The following MAP3K20 variants were observed in gnomAD, a reference collection of about 807,000 sequenced individuals.
MAP3K20 encodes mitogen-activated protein kinase kinase kinase 20.
In MAP3K20, 40 loss-of-function variants were observed where a neutral mutation model predicts 85.7. That is an observed-to-expected ratio of 0.47 (90% CI 0.36 to 0.61). The LOEUF is 0.61. MAP3K20 is among the 20% of genes least tolerant of loss of function. MAP3K20 has a pLI of 0.00. For missense variants in MAP3K20, 817 were observed against 961.7 expected, an observed-to-expected ratio of 0.85 and a Z score of 1.99; for synonymous variants, 325 against 327.7, an observed-to-expected ratio of 0.99 and a Z score of 0.09.
At chr2:173,264,043 T>C in intron 19 of MAP3K20, 148 bp downstream of exon 19, 1 of 924,798 alleles carries the variant, frequency 1.1e-6, no homozygotes, top group Non-Finnish European at 1.5e-6. Context: ...CAGTTGCAAC[T>C]GGCTTACTCC....
At chr2:173,180,038 C>T (rs529958814) in intron 3 of MAP3K20, among the ~76,000 whole-genome samples, 1 of 152,224 alleles carries the variant, frequency 6.6e-6, no homozygotes, top group South Asian at 2.1e-4. Context: ...GGGCAGTTCT[C>T]CCCAAAATGA....
rs954263978 is a variant in MAP3K20, at chr2:173,224,480, C to T, written c.988-5209C>T. 8.1e-6 allele frequency: 8 copies of T among 985,110 alleles called. No individual in the cohort carries two copies. In the African/African-American group the frequency reaches 1.4e-4, roughly 17 times the overall value. 61.0% of individuals were successfully genotyped at this position (985,110 alleles called of 1,614,324 possible). A position where few individuals can be genotyped will look rare whatever the true frequency, so the allele number is the denominator to read the frequency against. On this transcript the variant is annotated intron_variant, in intron 11 of 19. Transcript: ENST00000375213. ...AAAATAACAGGACTCTGTACTGGAC[C>T]TAACTTTATCATTAATTAGGTAATA...
chr2:173,206,578 A>C (rs1414106990), intron 9 of MAP3K20, among the ~76,000 whole-genome samples: 2 of 152,050 alleles, frequency 1.3e-5, no homozygotes, highest in African/African-American at 4.8e-5. Flanking sequence ...TCTCCTCTGA[A>C]TACTTCATCA....
At chr2:173,147,797 G>C (rs1178421419) in intron 2 of MAP3K20, among the ~76,000 whole-genome samples, 1 of 152,110 alleles carries the variant, frequency 6.6e-6, no homozygotes, top group Non-Finnish European at 1.5e-5. Context: ...ATGTTGGCCA[G>C]GATGGTCTTG....
chr2:173,126,863 G>T (rs544815839), intron 2 of MAP3K20, among the ~76,000 whole-genome samples: 1 of 152,314 alleles, frequency 6.6e-6, no homozygotes, highest in South Asian at 2.1e-4. Context: ...CTCTGACATT[G>T]ATTTCTGCAA....
At chr2:173,254,155 C>G (rs1685104853) in intron 16 of MAP3K20, among the ~76,000 whole-genome samples, 1 of 151,826 alleles carries the variant, frequency 6.6e-6, no homozygotes. Flanking sequence ...GTGGCTCACG[C>G]CTGTAATCCC....
At chr2:173,137,522 T>G (rs2106209109) in intron 2 of MAP3K20, among the ~76,000 whole-genome samples, 1 of 152,278 alleles carries the variant, frequency 6.6e-6, no homozygotes, top group Non-Finnish European at 1.5e-5. Context: ...AATTTTAAAG[T>G]AAGAGAAATT....
At chr2:173,156,872 C>T (rs577013595) in intron 2 of MAP3K20, among the ~76,000 whole-genome samples, 4 of 152,256 alleles carry the variant, frequency 2.6e-5, no homozygotes, top group African/African-American at 9.6e-5. Context: ...AGAGGTAACC[C>T]TTTGATTAGG....
Position 173,141,637 on chromosome 2 carries a change from A to G in MAP3K20, c.160-28168A>G, listed in dbSNP as rs1259261941. Among the ~76,000 whole-genome samples, 5 of 152,188 alleles carry G rather than the reference A, an allele frequency of 3.3e-5. No individual in the cohort carries two copies. The East Asian group carries it at 9.6e-4, about 29-fold the overall frequency. ...GAAAGGAGAGAGAGAGAGGGGATGGATAGAAAAATATGTGAAGAAATGATG... is the reference window on the plus strand; with the variant it reads ...GAAAGGAGAGAGAGAGAGGGGATGGGTAGAAAAATATGTGAAGAAATGATG... On this transcript the variant is annotated intron_variant, in intron 2 of 19. Transcript: ENST00000375213.
chr2:173,179,820 T>C (rs142581788), intron 3 of MAP3K20, among the ~76,000 whole-genome samples: 2 of 152,212 alleles, frequency 1.3e-5, no homozygotes, highest in East Asian at 1.9e-4. Flanking sequence ...TGTATTTCTA[T>C]ATACTGAGAG....
intron 14 of MAP3K20, among the ~76,000 whole-genome samples, chr2:173,237,019 C>CTTTTTTTTTTTTTT (rs368196400): frequency 2.6e-5 from 2 of 75,538 alleles, no homozygotes; most frequent in Non-Finnish European, 4.7e-5. Context: ...GTATATCCAC[C>CTTTTTTTTTTTTTT]TTTTTTTTTT....
chr2:173,143,090 G>A lies in MAP3K20; in HGVS notation c.160-26715G>A, dbSNP rs143621226. ...CCCAACTATATGCTATCTACAAGAG[G>A]TGTATTTTAAATATAAGACACAGAT... On this transcript the variant is annotated intron_variant, in intron 2 of 19. Transcript: ENST00000375213. Among the ~76,000 whole-genome samples, 402 of 152,214 alleles carry A rather than the reference G, an allele frequency of 2.6e-3. 2 individuals are homozygous for A. The highest frequency in any genetic ancestry group is 9.3e-3 in the African/African-American group (387 of 41,526).
At position 173,191,066 on chromosome 2, in the gene MAP3K20, C is replaced by T. The variant is rs1433638283; in HGVS notation, c.471C>T (p.Phe157=). ...LKICDFGASR[F]HNHTTHMSLV... ...TCTGTGACTTTGGTGCCTCTCGGTT[C>T]CATAACCATACAACACACATGTCCT... Residue 157 remains phenylalanine, a synonymous_variant, in exon 7 of 20, where the codon TTC becomes TTT. Coordinates refer to ENST00000375213, the MANE Select transcript of MAP3K20 (RefSeq NM_016653.3). 2 of 1,613,932 alleles carry T rather than the reference C, an allele frequency of 1.2e-6. No individual in the cohort carries two copies. Among genetic ancestry groups the T allele is most frequent in the Non-Finnish European group, 8.5e-7 (1 of 1,179,914 alleles).
chr2:173,227,003 T>G, intron 11 of MAP3K20: 2 of 985,770 alleles, frequency 2.0e-6, no homozygotes, highest in Non-Finnish European at 2.4e-6. Flanking sequence ...ACTGATTTTA[T>G]AGTTGGAATT....
At chr2:173,215,114 T>C (rs1382414249) in intron 10 of MAP3K20, among the ~76,000 whole-genome samples, 1 of 152,212 alleles carries the variant, frequency 6.6e-6, no homozygotes, top group African/African-American at 2.4e-5. Context: ...AGATGCATCT[T>C]TGGCTTAAAT....
At position 173,267,311 on chromosome 2, in the gene MAP3K20, TTTTC is replaced by T. The variant is rs1685448562; in HGVS notation, c.*565_*568del. On this transcript the variant is annotated 3_prime_UTR_variant, in exon 20 of 20. Transcript: ENST00000375213. ...GGTTTGAGGTTTTTTGTTGCTTCTT[TTTTC>T]TTTTCTTTCTTTCCCCCTCTTTTTT... The T allele has an allele frequency of 6.6e-6, 1 of 152,210 alleles. No homozygotes were observed. The highest frequency in any genetic ancestry group is 1.5e-5 in the Non-Finnish European group (1 of 68,040). 9.4% of individuals were successfully genotyped at this position (152,210 alleles called of 1,614,324 possible).
intron 16 of MAP3K20, among the ~76,000 whole-genome samples, chr2:173,253,318 A>G (rs11686011): frequency 0.38 from 57,617 of 152,124 alleles, 13,650 homozygotes; most frequent in Non-Finnish European, 0.54. Context: ...TGGGAACTGC[A>G]TTTACATTAT....
At chr2:173,090,019 G>A (rs1687248044) in intron 1 of MAP3K20, among the ~76,000 whole-genome samples, 1 of 152,176 alleles carries the variant, frequency 6.6e-6, no homozygotes, top group Non-Finnish European at 1.5e-5. Flanking sequence ...TCCCTCTTAA[G>A]GTTTTGGTTT....
chr2:173,128,312 C>CTTACTTAT (rs1553567021), intron 2 of MAP3K20, among the ~76,000 whole-genome samples: 7 of 145,828 alleles, frequency 4.8e-5, no homozygotes, highest in Non-Finnish European at 1.0e-4. Flanking sequence ...TTATAGTTGA[C>CTTACTTAT]TTATTTATTT....
Sources: allele counts gnomAD v4.1 joint callset (sites outside exome capture counted in the v4.1 genomes callset), GRCh38; gene constraint gnomAD v4.1.1; transcripts MANE v1.5; gene names NCBI Gene and HGNC (gene_info 2026-07-23, HGNC 2026-07-21).